The following RAPGEF6 variants were observed in gnomAD, a reference collection of about 807,000 sequenced individuals.
The protein encoded by RAPGEF6 is PDZ domain containing guanine nucleotide exchange factor (GEF) 2.
In RAPGEF6, 56 loss-of-function variants were observed where a neutral mutation model predicts 171.4. The ratio of observed to expected loss-of-function variants is 0.33; its 90% CI spans 0.26 to 0.41. The LOEUF is 0.41. Ranked by LOEUF, RAPGEF6 falls within the 10% of genes least tolerant of loss-of-function variation. RAPGEF6 has a pLI of 1.00. For missense variants in RAPGEF6, 1,674 were observed against 1,921.4 expected (o/e 0.87, Z 2.41); for synonymous variants, 692 against 650.1 (o/e 1.06, Z -0.98).
chr5:131,443,171 G>A (rs528159722), intron 22 of RAPGEF6, among the ~76,000 whole-genome samples: 2 of 152,142 alleles, frequency 1.3e-5, no homozygotes, highest in African/African-American at 4.8e-5. Context: ...TCGAACTCCC[G>A]ACCTCAGGTG....
At chr5:131,488,265 T>A (rs1185850491) in intron 15 of RAPGEF6, among the ~76,000 whole-genome samples, 1 of 152,210 alleles carries the variant, frequency 6.6e-6, no homozygotes, top group East Asian at 1.9e-4. Flanking sequence ...GTTCACACTA[T>A]CTCTGTATTT....
At chr5:131,468,855 A>G (rs1754557407) in intron 17 of RAPGEF6, among the ~76,000 whole-genome samples, 1 of 152,230 alleles carries the variant, frequency 6.6e-6, no homozygotes, top group Admixed American at 6.5e-5. Flanking sequence ...AAGGATTGAA[A>G]AAATTGTTCT....
At chr5:131,527,888 G>A (rs1343654315) in intron 6 of RAPGEF6, among the ~76,000 whole-genome samples, 1 of 150,980 alleles carries the variant, frequency 6.6e-6, no homozygotes, top group Non-Finnish European at 1.5e-5. Context: ...GGTGGCGGGT[G>A]CCTGTAGTCC....
intron 21 of RAPGEF6, among the ~76,000 whole-genome samples, chr5:131,452,145 G>A (rs1270342668): frequency 3.3e-5 from 5 of 151,940 alleles, no homozygotes; most frequent in Admixed American, 2.6e-4. Context: ...GCGTGAACCC[G>A]GGAGGCGGAG....
At chr5:131,615,394 T>G (rs148314868) in intron 1 of RAPGEF6, among the ~76,000 whole-genome samples, 109 of 152,282 alleles carry the variant, frequency 7.2e-4, no homozygotes, top group African/African-American at 2.5e-3. Flanking sequence ...AAGGGTTTCT[T>G]GGGGCTTTTG....
intron 6 of RAPGEF6, among the ~76,000 whole-genome samples, chr5:131,536,172 A>G (rs1759757117): frequency 6.6e-6 from 1 of 152,180 alleles, no homozygotes; most frequent in Non-Finnish European, 1.5e-5. Context: ...TTGAAATATA[A>G]ACTTAAATTG....
intron 15 of RAPGEF6, among the ~76,000 whole-genome samples, chr5:131,484,281 C>T (rs1580897417): frequency 8.7e-6 from 1 of 115,510 alleles, no homozygotes; most frequent in South Asian, 3.2e-4. Flanking sequence ...GGCTGGAGTG[C>T]AGTGGTGCGA....
chr5:131,497,640 T>G (rs558017168), intron 12 of RAPGEF6, among the ~76,000 whole-genome samples: 3 of 152,312 alleles, frequency 2.0e-5, no homozygotes, highest in South Asian at 4.1e-4. Context: ...GCAACCAAGG[T>G]AAATATATTT....
chr5:131,428,528 T>C (rs1247260003), intron 27 of RAPGEF6, among the ~76,000 whole-genome samples: 3 of 152,092 alleles, frequency 2.0e-5, no homozygotes, highest in African/African-American at 4.8e-5. Context: ...TGGTGCGATC[T>C]TGGCTCACTG....
intron 4 of RAPGEF6, among the ~76,000 whole-genome samples, chr5:131,566,276 A>C (rs1046105005): frequency 6.6e-6 from 1 of 152,140 alleles, no homozygotes; most frequent in African/African-American, 2.4e-5. Flanking sequence ...TTGTTCAAAT[A>C]CTTTATGCTG....
In RAPGEF6 at chr5:131,437,466, G is replaced by C. The variant is rs577348369; in HGVS notation, c.3745+2115C>G. On this transcript the variant is annotated intron_variant, in intron 24 of 27. Transcript: ENST00000509018. ...GGGTAAGGAGTGTAAAGGTGTTCCTGAACGAGCATTAGGAGCATATGGATA... is the reference window on the plus strand; with the variant it reads ...GGGTAAGGAGTGTAAAGGTGTTCCTCAACGAGCATTAGGAGCATATGGATA... Among the ~76,000 whole-genome samples, 51 of 152,318 alleles carry C rather than the reference G, an allele frequency of 3.3e-4. No homozygotes were observed. The South Asian group carries it at 0.01, about 31-fold the overall frequency.
intron 1 of RAPGEF6, among the ~76,000 whole-genome samples, chr5:131,607,662 AAAG>A (rs1441509599): frequency 6.6e-6 from 1 of 152,228 alleles, no homozygotes; most frequent in African/African-American, 2.4e-5. Context: ...AGAATGAATA[AAAG>A]AATAGGCTAG....
intron 22 of RAPGEF6, among the ~76,000 whole-genome samples, chr5:131,443,723 C>T (rs1271117622): frequency 1.3e-5 from 2 of 152,210 alleles, no homozygotes; most frequent in Non-Finnish European, 2.9e-5. Flanking sequence ...TCTCATTAGG[C>T]TTTATCTTCT....
intron 11 of RAPGEF6, among the ~76,000 whole-genome samples, chr5:131,501,422 T>C (rs372861342): frequency 4.0e-4 from 61 of 152,126 alleles, no homozygotes; most frequent in African/African-American, 1.4e-3. Flanking sequence ...GTGAAGATTG[T>C]AGTACAGTAA....
At chr5:131,501,436 T>C (rs1757020893) in intron 11 of RAPGEF6, among the ~76,000 whole-genome samples, 1 of 151,470 alleles carries the variant, frequency 6.6e-6, no homozygotes, top group Non-Finnish European at 1.5e-5. Context: ...ACAGTAAAAA[T>C]AACATATTTT....
intron 17 of RAPGEF6, among the ~76,000 whole-genome samples, chr5:131,465,933 TAGCCTTTAG>T (rs946708084): frequency 3.0e-4 from 45 of 152,228 alleles, no homozygotes; most frequent in African/African-American, 1.1e-3. Flanking sequence ...TGGACACTGT[TAGCCTTTAG>T]AGGAAAACAA....
intron 7 of RAPGEF6, among the ~76,000 whole-genome samples, chr5:131,512,929 A>T (rs1757834825): frequency 6.6e-6 from 1 of 152,192 alleles, no homozygotes; most frequent in Non-Finnish European, 1.5e-5. Context: ...TAAACTTTCC[A>T]GCCTCAAGAA....
chr5:131,615,849 G>A (rs1050134655), intron 1 of RAPGEF6, among the ~76,000 whole-genome samples: 10 of 151,860 alleles, frequency 6.6e-5, no homozygotes, highest in Middle Eastern at 3.4e-3. Flanking sequence ...TGCAGTGAGC[G>A]GAGATCACAC....
rs1346468555 is a variant in RAPGEF6 at position 131,635,186 on chromosome 5, CGCCT to C, written c.-160_-157del. On this transcript the variant is annotated 5_prime_UTR_variant, in exon 1 of 28. Coordinates refer to ENST00000509018, the MANE Select transcript of RAPGEF6 (RefSeq NM_016340.6). Reference sequence around the variant, plus strand: ...CTAGCAAACAACCCTTCGCAACGCCCGCCTAAGGCCTCTACCCACGCGCGACTGG... The same window carrying C: ...CTAGCAAACAACCCTTCGCAACGCCCAAGGCCTCTACCCACGCGCGACTGG... 1.4e-6 allele frequency: 1 copy of C among 731,002 alleles called. No individual in the cohort carries two copies. Among genetic ancestry groups the C allele is most frequent in the Non-Finnish European group, 2.2e-6 (1 of 464,228 alleles). The allele number at this position is 731,002 out of a possible 1,614,324, so 45.3% of individuals were successfully genotyped here. A position where few individuals can be genotyped will look rare whatever the true frequency, so the allele number is the denominator to read the frequency against.
Sources: allele counts gnomAD v4.1 joint callset (sites outside exome capture counted in the v4.1 genomes callset), GRCh38; gene constraint gnomAD v4.1.1; transcripts MANE v1.5; gene names NCBI Gene and HGNC (gene_info 2026-07-23, HGNC 2026-07-21).